The following RAD17 variants were observed in gnomAD, a reference collection of about 807,000 sequenced individuals.
RAD17 encodes RAD17 checkpoint clamp loader component.
Under a neutral mutation model 81.5 loss-of-function variants are expected in RAD17, and 31 were observed. The ratio of observed to expected loss-of-function variants is 0.38; its 90% CI spans 0.29 to 0.51. The LOEUF is 0.51. Ranked by LOEUF, RAD17 falls within the 20% of genes least tolerant of loss-of-function variation. The pLI, the probability that RAD17 is intolerant of heterozygous loss-of-function variation, is 0.88. For synonymous variants in RAD17, 261 were observed against 266.2 expected, an observed-to-expected ratio of 0.98 and a Z score of 0.19; for missense variants, 681 against 781.2, an observed-to-expected ratio of 0.87 and a Z score of 1.53.
intron 18 of RAD17, among the ~76,000 whole-genome samples, chr5:69,411,200 AAGG>A (rs2150894073): frequency 6.6e-6 from 1 of 151,798 alleles, no homozygotes; most frequent in East Asian, 1.9e-4. Flanking sequence ...CACCTGAGAT[AAGG>A]AGTTCAAGAC....
At chr5:69,396,619 G>A (rs1270828777) in intron 16 of RAD17, 73 bp downstream of exon 16, 3 of 1,336,054 alleles carry the variant, frequency 2.2e-6, no homozygotes, top group Admixed American at 3.2e-5. Context: ...ACTCAAAGCA[G>A]TTATTTTCTT....
At chr5:69,369,607 C>T (rs1479266202), upstream of RAD17, 1 of 1,583,248 alleles carries the variant, frequency 6.3e-7, no homozygotes, top group Non-Finnish European at 8.6e-7. Context: ...CGAAGCCCAC[C>T]GCGGCGCCCC....
upstream of RAD17, chr5:69,369,436 C>T (rs759478703): frequency 1.9e-6 from 3 of 1,608,926 alleles, no homozygotes; most frequent in Non-Finnish European, 2.5e-6. Flanking sequence ...TGCCCCAGCC[C>T]AGTCCCTCCC....
intron 18 of RAD17, among the ~76,000 whole-genome samples, chr5:69,411,347 G>A (rs147076011): frequency 1.6e-4 from 25 of 152,108 alleles, no homozygotes; most frequent in African/African-American, 5.8e-4. Flanking sequence ...GGAGGTGGAG[G>A]TTGCAGTGAG....
rs745641746 is a variant in RAD17, at chr5:69,381,974, A to C, written c.425A>C (p.Glu142Ala). 3 of 1,606,140 alleles carry C rather than the reference A, an allele frequency of 1.9e-6. No individual in the cohort carries two copies. The highest frequency in any genetic ancestry group is 1.7e-6 in the Non-Finnish European group (2 of 1,172,790). The change falls in exon 7 of 19, where the codon GAG (glutamate) becomes GCG (alanine). Residue 142 changes from glutamate (E) to alanine (A), a missense_variant. Physicochemically the swap from Glu to Ala is moderately radical, Grantham distance 107 (BLOSUM62 -1). Transcript: ENST00000354868. ...KTTTLKILSKEHGIQVQEWIN... is the reference protein window; with the variant it reads ...KTTTLKILSKAHGIQVQEWIN... ...ACGACCTTAAAAATACTATCAAAGGAGCATGGTATTCAAGTACAAGAGTGG... is the reference window on the plus strand; with the variant it reads ...ACGACCTTAAAAATACTATCAAAGGCGCATGGTATTCAAGTACAAGAGTGG...
intron 6 of RAD17, among the ~76,000 whole-genome samples, chr5:69,377,676 T>G (rs1178186580): frequency 8.8e-5 from 3 of 34,248 alleles, no homozygotes; most frequent in African/African-American, 1.6e-4. Flanking sequence ...CATATATATA[T>G]GCATATATAT....
intron 7 of RAD17, 136 bp downstream of exon 7, chr5:69,382,193 G>A (rs963367361): frequency 6.1e-6 from 6 of 988,474 alleles, no homozygotes; most frequent in Non-Finnish European, 9.0e-6. Context: ...GGCCAGGTGC[G>A]ATGGCTGTCA....
rs1455738900 is a variant in RAD17, at chr5:69,382,983, C to T, written c.508+926C>T. 2.0e-5 allele frequency among the ~76,000 whole-genome samples: 3 copies of T among 152,148 alleles called. No individual in the cohort carries two copies. In the East Asian group the frequency reaches 5.8e-4, roughly 29 times the overall value. ...ATTTTTAGTAGAGATGGGGTTTTGC[C>T]ATGTTAGCCAGTCTGGTCTCGAACT... On this transcript the variant is annotated intron_variant, in intron 7 of 18. Transcript: ENST00000354868.
chr5:69,414,333 T>C lies in RAD17; in HGVS notation c.*41T>C. Reference sequence around the variant, plus strand: ...TCAGATTGCTACTTCACAGCTTCATTTTTGTTTCATTCAGTGGTACTTCAG... The same window carrying C: ...TCAGATTGCTACTTCACAGCTTCATCTTTGTTTCATTCAGTGGTACTTCAG... On this transcript the variant is annotated 3_prime_UTR_variant, in exon 19 of 19. Transcript: ENST00000354868. 1 of 1,590,584 alleles carries C rather than the reference T, an allele frequency of 6.3e-7. No individual in the cohort carries two copies. The highest frequency in any genetic ancestry group is 1.3e-5 in the African/African-American group (1 of 74,326).
In RAD17 at chr5:69,389,035, A is replaced by G; in HGVS notation, c.896A>G (p.Asn299Ser). ...NRIVTIEANK[N>S]GGKITVPDKT... ...TTAAATTTAATTTTCTTATTTTAGAATGGAGGAAAAATTACTGTCCCTGAC... is the reference window on the plus strand; with the variant it reads ...TTAAATTTAATTTTCTTATTTTAGAGTGGAGGAAAAATTACTGTCCCTGAC... Residue 299 changes from asparagine to serine, a missense_variant and splice_region_variant, in exon 12 of 19, where the codon AAT (asparagine) becomes AGT (serine). Asn to Ser is a conservative substitution (Grantham distance 46). Transcript: ENST00000354868. 2 of 1,458,038 alleles carry G rather than the reference A, an allele frequency of 1.4e-6. No homozygotes were observed. The highest frequency in any genetic ancestry group is 2.4e-5 in the Admixed American group (1 of 41,288). 90.3% of individuals were successfully genotyped at this position (1,458,038 alleles called of 1,614,324 possible).
Position 69,372,654 on chromosome 5 carries a change from C to T in RAD17, c.9+437C>T, listed in dbSNP as rs17229810. On this transcript the variant is annotated intron_variant, in intron 4 of 18. Transcript: ENST00000354868. ...TGAGACAGGGTCTCACTCTGTTGCCCGGGCTGGAGTGCAGTGGGGTGATCA... is the reference window on the plus strand; with the variant it reads ...TGAGACAGGGTCTCACTCTGTTGCCTGGGCTGGAGTGCAGTGGGGTGATCA... Among the ~76,000 whole-genome samples the T allele has an allele frequency of 4.3e-4, 66 of 151,844 alleles. 2 individuals carry two copies. The highest frequency in any genetic ancestry group is 2.9e-3 in the Admixed American group (44 of 15,256).
At chr5:69,383,392 A>T (rs951606990) in intron 7 of RAD17, among the ~76,000 whole-genome samples, 48 of 146,680 alleles carry the variant, frequency 3.3e-4, no homozygotes, top group Middle Eastern at 3.5e-3. Flanking sequence ...TATTATTATT[A>T]TTTTTTTTTT....
At chr5:69,409,094 G>A (rs186883152) in intron 17 of RAD17, among the ~76,000 whole-genome samples, 1 of 152,176 alleles carries the variant, frequency 6.6e-6, no homozygotes, top group African/African-American at 2.4e-5. Context: ...GAGTTCCTTT[G>A]GGGAAGGCTT....
rs1459723691 is a variant in RAD17, at chr5:69,373,889, T to C, written c.69T>C (p.Thr23=). 1.2e-6 allele frequency: 2 copies of C among 1,610,030 alleles called. No individual in the cohort carries two copies. The highest frequency in any genetic ancestry group is 4.5e-5 in the East Asian group (2 of 44,830). The change falls in exon 5 of 19, where the codon ACT becomes ACC. Residue 23 remains threonine (T), a synonymous_variant. Transcript: ENST00000354868. ...TTCTAGAGTGTAGTGGCGTCTCTAC[T>C]ATTACTGCCACATCATTAGGTGTGA... ...DDFLECSGVS[T]ITATSLGVNN... is the part of the protein sequence containing the mutation.
intron 18 of RAD17, among the ~76,000 whole-genome samples, chr5:69,413,197 T>G (rs1193174296): frequency 2.0e-5 from 3 of 152,130 alleles, no homozygotes; most frequent in Non-Finnish European, 4.4e-5. Context: ...TCCCCGCACT[T>G]TGGGAGGCGG....
chr5:69,394,030 C>T (rs1420960778), intron 15 of RAD17, among the ~76,000 whole-genome samples: 1 of 140,868 alleles, frequency 7.1e-6, no homozygotes, highest in Non-Finnish European at 1.5e-5. Flanking sequence ...GCTAGAAATA[C>T]AGGCACACAC....
chr5:69,378,463 A>G (rs1489261184), intron 6 of RAD17, among the ~76,000 whole-genome samples: 1 of 152,234 alleles, frequency 6.6e-6, no homozygotes, highest in Non-Finnish European at 1.5e-5. Context: ...TACATGAGAA[A>G]AATGTATAAT....
chr5:69,413,205 C>T (rs1580455900), intron 18 of RAD17, among the ~76,000 whole-genome samples: 1 of 152,020 alleles, frequency 6.6e-6, no homozygotes, highest in African/African-American at 2.4e-5. Context: ...CTTTGGGAGG[C>T]GGAGGCAGAT....
chr5:69,405,738 T>C (rs1037214459), intron 17 of RAD17, among the ~76,000 whole-genome samples: 5 of 150,276 alleles, frequency 3.3e-5, no homozygotes, highest in African/African-American at 1.2e-4. Flanking sequence ...ACTGGACATA[T>C]ATCCAAAGAA....
Sources: allele counts gnomAD v4.1 joint callset (sites outside exome capture counted in the v4.1 genomes callset), GRCh38; gene constraint gnomAD v4.1.1; transcripts MANE v1.5; gene names NCBI Gene and HGNC (gene_info 2026-07-23, HGNC 2026-07-21).